The following ANKS1B variants were observed in gnomAD, a reference collection of about 807,000 sequenced individuals.
The protein encoded by ANKS1B is ankyrin repeat and sterile alpha motif domain containing 1B.
In ANKS1B, 36 loss-of-function variants were observed where a neutral mutation model predicts 148.3. That is an observed-to-expected ratio of 0.24 (90% CI 0.19 to 0.32). ANKS1B has a LOEUF of 0.32. ANKS1B is among the 10% of genes least tolerant of loss of function. ANKS1B has a pLI of 1.00. For missense variants in ANKS1B, 1,157 were observed against 1,542.6 expected, an observed-to-expected ratio of 0.75 and a Z score of 4.19; for synonymous variants, 542 against 560.8, an observed-to-expected ratio of 0.97 and a Z score of 0.47.
intron 15 of ANKS1B, among the ~76,000 whole-genome samples, chr12:99,137,239 A>T (rs2068421132): frequency 6.6e-6 from 1 of 152,136 alleles, no homozygotes; most frequent in Non-Finnish European, 1.5e-5. Flanking sequence ...TATCAATAAA[A>T]CGCTTTCTAA....
At chr12:99,773,172 T>C in intron 7 of ANKS1B, 84 bp from the exon 8 acceptor site, 1 of 1,092,834 alleles carries the variant, frequency 9.2e-7, no homozygotes, top group East Asian at 2.5e-5. Context: ...ACTGCTATGG[T>C]GATAGAACTC....
intron 12 of ANKS1B, among the ~76,000 whole-genome samples, chr12:99,280,303 G>C (rs886396391): frequency 1.3e-5 from 2 of 152,104 alleles, no homozygotes; most frequent in Admixed American, 1.3e-4. Flanking sequence ...TATATGGTTT[G>C]GCAGGGCCTG....
intron 25 of ANKS1B, among the ~76,000 whole-genome samples, chr12:98,762,643 C>A (rs903361826): frequency 6.6e-6 from 1 of 152,256 alleles, no homozygotes; most frequent in South Asian, 2.1e-4. Flanking sequence ...TCCTTGAAGA[C>A]TCACCTCGGG....
chr12:98,969,847 G>A (rs908227318), intron 17 of ANKS1B, among the ~76,000 whole-genome samples: 3 of 152,162 alleles, frequency 2.0e-5, no homozygotes, highest in South Asian at 4.1e-4. Flanking sequence ...GCTACTCCAC[G>A]ACCCAGGCTC....
chr12:99,557,925 C>T (rs1034867947), intron 9 of ANKS1B, among the ~76,000 whole-genome samples: 1 of 152,148 alleles, frequency 6.6e-6, no homozygotes, highest in African/African-American at 2.4e-5. Flanking sequence ...TTTAGGGGGC[C>T]AAGGCTCAGC....
chr12:98,954,186 C>T (rs958213282), intron 17 of ANKS1B, among the ~76,000 whole-genome samples: 3 of 152,192 alleles, frequency 2.0e-5, no homozygotes, highest in African/African-American at 7.2e-5. Context: ...ATACTCAATC[C>T]AAACACCAAC....
At chr12:99,086,915 G>C (rs2052054355) in intron 15 of ANKS1B, among the ~76,000 whole-genome samples, 1 of 152,204 alleles carries the variant, frequency 6.6e-6, no homozygotes, top group Non-Finnish European at 1.5e-5. Context: ...AAAGGAGAAT[G>C]AATTTGAAAG....
chr12:98,833,643 A>G (rs1401977291), intron 17 of ANKS1B, among the ~76,000 whole-genome samples: 1 of 152,076 alleles, frequency 6.6e-6, no homozygotes, highest in Non-Finnish European at 1.5e-5. Flanking sequence ...GGTTTGTTAC[A>G]TGAATACACT....
chr12:99,263,630 C>A (rs2076147264), intron 12 of ANKS1B, among the ~76,000 whole-genome samples: 1 of 152,038 alleles, frequency 6.6e-6, no homozygotes, highest in Non-Finnish European at 1.5e-5. Context: ...GAATTGTAAT[C>A]CCCACTTGAT....
At chr12:99,669,505 C>T (rs911665542) in intron 8 of ANKS1B, among the ~76,000 whole-genome samples, 6 of 152,058 alleles carry the variant, frequency 3.9e-5, no homozygotes, top group African/African-American at 1.2e-4. Context: ...TTAAGACTTA[C>T]GTTCCCTCTG....
intron 17 of ANKS1B, among the ~76,000 whole-genome samples, chr12:99,018,289 T>C (rs1259988067): frequency 6.6e-6 from 1 of 152,198 alleles, no homozygotes; most frequent in Non-Finnish European, 1.5e-5. Context: ...GTTTGCCCCT[T>C]CTGTCATGTG....
intron 9 of ANKS1B, among the ~76,000 whole-genome samples, chr12:99,570,615 C>T (rs1470520665): frequency 2.0e-5 from 3 of 148,982 alleles, no homozygotes; most frequent in Admixed American, 2.0e-4. Context: ...CACTGCACTC[C>T]AGCCTGAGCG....
At chr12:99,463,775 C>G (rs2096037765) in intron 10 of ANKS1B, among the ~76,000 whole-genome samples, 2 of 152,230 alleles carry the variant, frequency 1.3e-5, no homozygotes, top group Non-Finnish European at 2.9e-5. Context: ...CTTAGGTAAA[C>G]AAAGCAGCTG....
At chr12:99,026,574 C>T (rs1409763237) in intron 17 of ANKS1B, among the ~76,000 whole-genome samples, 3 of 152,012 alleles carry the variant, frequency 2.0e-5, no homozygotes, top group African/African-American at 7.2e-5. Flanking sequence ...TCTCTGTCCC[C>T]TGAAGAGCTA....
At chr12:99,949,086 A>G (rs1466542371) in intron 1 of ANKS1B, among the ~76,000 whole-genome samples, 1 of 152,194 alleles carries the variant, frequency 6.6e-6, no homozygotes, top group Non-Finnish European at 1.5e-5. Flanking sequence ...ATATTTATAC[A>G]TGAGAAAAAG....
intron 11 of ANKS1B, among the ~76,000 whole-genome samples, chr12:99,438,550 A>C (rs1417732748): frequency 6.6e-6 from 1 of 151,920 alleles, no homozygotes; most frequent in Non-Finnish European, 1.5e-5. Flanking sequence ...CCAATCAACA[A>C]GGCTCAAATC....
chr12:99,808,647 T>G (rs894562512), intron 3 of ANKS1B, among the ~76,000 whole-genome samples: 4 of 152,122 alleles, frequency 2.6e-5, no homozygotes, highest in African/African-American at 9.7e-5. Flanking sequence ...ATCAGGCTTA[T>G]AAAACAGCCA....
At chr12:99,517,455 C>A (rs768094214) in intron 9 of ANKS1B, among the ~76,000 whole-genome samples, 1 of 151,706 alleles carries the variant, frequency 6.6e-6, no homozygotes, top group Non-Finnish European at 1.5e-5. Flanking sequence ...TGGTGGCTCA[C>A]ACCTGTAATC....
intron 15 of ANKS1B, among the ~76,000 whole-genome samples, chr12:99,102,968 A>T (rs777856582): frequency 6.6e-5 from 10 of 152,094 alleles, no homozygotes; most frequent in Non-Finnish European, 1.2e-4. Context: ...CCTGTCTCTT[A>T]AAACAATAAT....
Sources: gnomAD v4.1 joint callset for allele counts (sites outside exome capture counted in the v4.1 genomes callset) on GRCh38, gnomAD v4.1.1 for gene constraint, MANE v1.5 for transcripts, NCBI Gene and HGNC (gene_info 2026-07-23, HGNC 2026-07-21) for gene names.